EPC2: variants seen among roughly 807,000 people sequenced by gnomAD.
The protein encoded by EPC2 is enhancer of polycomb homolog 2.
EPC2 carries 14 observed loss-of-function variants against 92.1 expected under a neutral mutation model. The ratio of observed to expected loss-of-function variants is 0.15; its 90% confidence interval spans 0.10 to 0.24. EPC2 has a LOEUF of 0.24. Ranked by LOEUF, EPC2 falls within the 10% of genes least tolerant of loss-of-function variation. EPC2 has a pLI of 1.00. For synonymous variants in EPC2, 340 were observed against 334.7 expected (o/e 1.02, Z -0.17); for missense variants, 755 against 971.5 (o/e 0.78, Z 2.96).
intron 1 of EPC2, among the ~76,000 whole-genome samples, chr2:148,678,421 G>T (rs1360440407): frequency 6.6e-6 from 1 of 152,258 alleles, no homozygotes; most frequent in East Asian, 1.9e-4. Flanking sequence ...CCCTTGGGTG[G>T]TTGATGCGAC....
intron 2 of EPC2, among the ~76,000 whole-genome samples, chr2:148,712,630 C>G (rs1321348100): frequency 1.3e-5 from 2 of 152,170 alleles, no homozygotes; most frequent in East Asian, 3.8e-4. Flanking sequence ...TGGCTCACGC[C>G]TGTAATCCCA....
In EPC2 at chr2:148,753,876, A is replaced by G. The variant is rs1683125611; in HGVS notation, c.460-51A>G. On this transcript the variant is annotated intron_variant, in intron 3 of 13. Transcript: ENST00000258484. ...TTTCTACAGCCATAAGCTAACTTTT[A>G]TTTCTTTTTGCAAACATTGTAGCCA... 6 of 1,515,396 alleles carry G rather than the reference A, an allele frequency of 4.0e-6. No homozygotes were observed. In the Admixed American group the frequency reaches 6.2e-5, roughly 16 times the overall value. The allele number at this position is 1,515,396 out of a possible 1,614,324, so 93.9% of individuals were successfully genotyped here.
chr2:148,739,833 C>CTTTTTTTTTTTTTTTTTTT (rs144868417), intron 2 of EPC2, among the ~76,000 whole-genome samples: 54 of 81,304 alleles, frequency 6.6e-4, no homozygotes, highest in African/African-American at 1.5e-3. Flanking sequence ...TCTTCTTCTT[C>CTTTTTTTTTTTTTTTTTTT]TTTTTTTTTT....
At chr2:148,670,919 A>G (rs1464011932) in intron 1 of EPC2, among the ~76,000 whole-genome samples, 1 of 152,092 alleles carries the variant, frequency 6.6e-6, no homozygotes, top group Non-Finnish European at 1.5e-5. Flanking sequence ...CTCCTAGGCT[A>G]AGCAGTCTTC....
intron 2 of EPC2, among the ~76,000 whole-genome samples, chr2:148,741,101 T>G (rs2105405468): frequency 6.6e-6 from 1 of 152,292 alleles, no homozygotes; most frequent in Admixed American, 6.5e-5. Context: ...CAAGAATATT[T>G]TAAATGAATC....
In EPC2 at chr2:148,770,841, A is replaced by G. The variant is rs746602328; in HGVS notation, c.1280A>G (p.Asp427Gly). ...TCATGTGAAAATTCAGAATTGGCAG[A>G]TTTGGATAAGTTGAGGTATAGGCAT... ...NHSCENSELA[D>G]LDKLRYRHCL... The change falls in exon 9 of 14, where the codon GAT (aspartate) becomes GGT (glycine). Residue 427 changes from aspartate (D) to glycine (G), a missense_variant. Asp to Gly is a moderately conservative substitution (Grantham distance 94). Transcript: ENST00000258484. 4 of 1,613,832 alleles carry G rather than the reference A, an allele frequency of 2.5e-6. No homozygotes were observed. Among genetic ancestry groups the G allele is most frequent in the Non-Finnish European group, 2.5e-6 (3 of 1,179,846 alleles).
chr2:148,661,951 A>G (rs1229440361), intron 1 of EPC2, among the ~76,000 whole-genome samples: 1 of 152,228 alleles, frequency 6.6e-6, no homozygotes, highest in Non-Finnish European at 1.5e-5. Flanking sequence ...CAGAATCTAC[A>G]ATGAACTCAA....
chr2:148,736,103 C>T (rs990049873), intron 2 of EPC2, among the ~76,000 whole-genome samples: 3 of 152,010 alleles, frequency 2.0e-5, no homozygotes, highest in African/African-American at 4.8e-5. Flanking sequence ...ATTAGTGCAT[C>T]AAGGTAATTG....
intron 2 of EPC2, among the ~76,000 whole-genome samples, chr2:148,711,002 G>T (rs945153572): frequency 6.6e-6 from 1 of 152,124 alleles, no homozygotes; most frequent in African/African-American, 2.4e-5. Flanking sequence ...GTTTTAGCCT[G>T]GGTAGAGGCT....
chr2:148,763,940 C>G (rs911251353), intron 6 of EPC2, among the ~76,000 whole-genome samples: 1 of 152,174 alleles, frequency 6.6e-6, no homozygotes. Flanking sequence ...AATAAATACT[C>G]AGCCTTCCTA....
At chr2:148,726,633 A>G (rs1682499836) in intron 2 of EPC2, among the ~76,000 whole-genome samples, 1 of 151,596 alleles carries the variant, frequency 6.6e-6, no homozygotes, top group African/African-American at 2.4e-5. Context: ...TAATACTTAA[A>G]GAATTTTTTT....
intron 1 of EPC2, among the ~76,000 whole-genome samples, chr2:148,673,391 C>T (rs954526627): frequency 6.6e-6 from 1 of 152,046 alleles, no homozygotes; most frequent in Non-Finnish European, 1.5e-5. Flanking sequence ...TCTTTATGTT[C>T]CTCTGACTCA....
rs113957686 is a variant in EPC2 at position 148,700,033 on chromosome 2, G to C, written c.313+9660G>C. Among the ~76,000 whole-genome samples, 501 of 152,196 alleles carry C rather than the reference G, an allele frequency of 3.3e-3. 2 individuals carry two copies. Among genetic ancestry groups the C allele is most frequent in the African/African-American group, 0.011 (463 of 41,504 alleles). ...ACATTATTTATATATCTTCTTTAGT[G>C]TGGTGTCTGTTCAGATCTTTTGCCC... On this transcript the variant is annotated intron_variant, in intron 2 of 13. Coordinates refer to ENST00000258484, the MANE Select transcript of EPC2 (RefSeq NM_015630.4).
chr2:148,671,748 C>T (rs922695857), intron 1 of EPC2, among the ~76,000 whole-genome samples: 1 of 152,076 alleles, frequency 6.6e-6, no homozygotes, highest in East Asian at 1.9e-4. Context: ...TATTTTTACC[C>T]TTTCTTAACC....
At chr2:148,653,993 G>C (rs1680738731) in intron 1 of EPC2, among the ~76,000 whole-genome samples, 1 of 149,776 alleles carries the variant, frequency 6.7e-6, no homozygotes, top group Non-Finnish European at 1.5e-5. Context: ...TGTCACCCAG[G>C]CTGGAGTGCA....
intron 2 of EPC2, among the ~76,000 whole-genome samples, chr2:148,719,962 C>T (rs962057139): frequency 6.6e-6 from 1 of 152,188 alleles, no homozygotes; most frequent in Non-Finnish European, 1.5e-5. Flanking sequence ...GGAGGACCCG[C>T]CCCACAAGGA....
intron 1 of EPC2, among the ~76,000 whole-genome samples, chr2:148,661,941 C>T (rs1680943410): frequency 6.6e-6 from 1 of 151,966 alleles, no homozygotes; most frequent in African/African-American, 2.4e-5. Context: ...GGCTAATATC[C>T]AGAATCTACA....
At chr2:148,712,963 C>T (rs2382242) in intron 2 of EPC2, among the ~76,000 whole-genome samples, 20,878 of 152,010 alleles carry the variant, frequency 0.14, 2,396 homozygotes, top group East Asian at 0.46. Flanking sequence ...AGGCGTGAGG[C>T]AGGAAGGTCC....
At chr2:148,655,922 A>G (rs1191725228) in intron 1 of EPC2, among the ~76,000 whole-genome samples, 1 of 151,584 alleles carries the variant, frequency 6.6e-6, no homozygotes, top group East Asian at 1.9e-4. Context: ...TAAAAATTTA[A>G]CAGCACAAAA....
Sources: gnomAD v4.1 joint callset for allele counts (sites outside exome capture counted in the v4.1 genomes callset) on GRCh38, gnomAD v4.1.1 for gene constraint, MANE v1.5 for transcripts, NCBI Gene and HGNC (gene_info 2026-07-23, HGNC 2026-07-21) for gene names.